The following GNAL variants were observed in gnomAD, a reference collection of about 807,000 sequenced individuals.
GNAL encodes G protein subunit alpha L.
GNAL carries 18 observed loss-of-function variants against 55.1 expected under a neutral mutation model. The observed-to-expected ratio is 0.33, with a 90% confidence interval of 0.23 to 0.48. The LOEUF (loss-of-function observed/expected upper bound fraction) is 0.48, where lower values mean the gene tolerates loss of function less well. Among genes scored for constraint, GNAL ranks in the 20% least tolerant of loss-of-function variants. The pLI is 0.99. For synonymous variants in GNAL, 253 were observed against 237.0 expected, an observed-to-expected ratio of 1.07 and a Z score of -0.62; for missense variants, 412 against 614.1, an observed-to-expected ratio of 0.67 and a Z score of 3.48.
At chr18:11,730,642 T>C (rs2032318042) in intron 1 of GNAL, among the ~76,000 whole-genome samples, 1 of 151,988 alleles carries the variant, frequency 6.6e-6, no homozygotes, top group African/African-American at 2.4e-5. Context: ...CATGCACCTG[T>C]AGTCCCAGCT....
At chr18:11,814,263 G>T (rs12373424) in intron 4 of GNAL, among the ~76,000 whole-genome samples, 9,704 of 152,266 alleles carry the variant, frequency 0.064, 453 homozygotes, top group African/African-American at 0.13. Flanking sequence ...GGTGGCTCAT[G>T]CCTGGAATCC....
chr18:11,790,651 C>CTTTTTTTTTTTTTTTTTTTTTTTTTTTTT (rs1232488173), intron 4 of GNAL, among the ~76,000 whole-genome samples: 1 of 83,348 alleles, frequency 1.2e-5, no homozygotes, highest in Non-Finnish European at 2.2e-5. Context: ...CTTTTCTTTT[C>CTTTTTTTTTTTTTTTTTTTTTTTTTTTTT]TTTTTTTTTC....
At chr18:11,777,754 C>T (rs971882521) in intron 4 of GNAL, among the ~76,000 whole-genome samples, 1 of 152,080 alleles carries the variant, frequency 6.6e-6, no homozygotes, top group Non-Finnish European at 1.5e-5. Flanking sequence ...TCAACCTACC[C>T]GGAAGAGCAG....
intron 4 of GNAL, among the ~76,000 whole-genome samples, chr18:11,766,424 A>T (rs1169317700): frequency 1.3e-5 from 2 of 152,206 alleles, no homozygotes; most frequent in Non-Finnish European, 2.9e-5. Flanking sequence ...GATGGCATAA[A>T]ATCCAAAAGA....
At chr18:11,802,559 T>C (rs73403540) in intron 4 of GNAL, among the ~76,000 whole-genome samples, 13,080 of 152,248 alleles carry the variant, frequency 0.086, 994 homozygotes, top group African/African-American at 0.2. Context: ...AGCAGAGCTC[T>C]GGGATTCTCT....
intron 4 of GNAL, among the ~76,000 whole-genome samples, chr18:11,790,851 G>A (rs1325621761): frequency 6.6e-6 from 1 of 151,878 alleles, no homozygotes; most frequent in Admixed American, 6.6e-5. Context: ...TAGAGACGGA[G>A]TTTCACCGTG....
chr18:11,808,339 G>A (rs1399938580), intron 4 of GNAL, among the ~76,000 whole-genome samples: 1 of 152,190 alleles, frequency 6.6e-6, no homozygotes, highest in Non-Finnish European at 1.5e-5. Flanking sequence ...AGGCCAGGAA[G>A]AGGTACTAAG....
intron 5 of GNAL, among the ~76,000 whole-genome samples, chr18:11,847,394 TTTTC>T (rs2035763090): frequency 1.3e-5 from 2 of 150,046 alleles, no homozygotes; most frequent in African/African-American, 4.9e-5. Context: ...ACATCTTTTA[TTTTC>T]TTTTTTTTTT....
At chr18:11,768,906 A>AT (rs1346618514) in intron 4 of GNAL, among the ~76,000 whole-genome samples, 11 of 127,796 alleles carry the variant, frequency 8.6e-5, no homozygotes, top group Admixed American at 4.3e-4. Flanking sequence ...AAAAAAAAAA[A>AT]AATATATATA....
intron 5 of GNAL, among the ~76,000 whole-genome samples, chr18:11,859,398 T>C (rs1369250320): frequency 6.6e-6 from 1 of 152,060 alleles, no homozygotes; most frequent in Non-Finnish European, 1.5e-5. Flanking sequence ...GGTCAGGAAC[T>C]CAGTGTGTCC....
chr18:11,705,634 T>C (rs1011763178), intron 1 of GNAL, among the ~76,000 whole-genome samples: 7 of 152,188 alleles, frequency 4.6e-5, no homozygotes, highest in Non-Finnish European at 1.0e-4. Flanking sequence ...TTTTGTCTTT[T>C]TGATAATGGC....
intron 4 of GNAL, among the ~76,000 whole-genome samples, chr18:11,797,603 G>A (rs897626324): frequency 2.0e-5 from 3 of 152,060 alleles, no homozygotes; most frequent in African/African-American, 7.2e-5. Flanking sequence ...AATTAGCTGG[G>A]CATGGTGGTG....
At chr18:11,851,337 C>T in intron 5 of GNAL, 1 of 820,184 alleles carries the variant, frequency 1.2e-6, no homozygotes, top group Non-Finnish European at 1.8e-6. Context: ...CGCCTTCCGT[C>T]CCGCAGGCTC....
intron 1 of GNAL, among the ~76,000 whole-genome samples, chr18:11,706,282 A>T (rs988876394): frequency 2.0e-5 from 3 of 152,090 alleles, no homozygotes; most frequent in Middle Eastern, 3.2e-3. Flanking sequence ...AGTTGTGTTT[A>T]TACTATACTA....
chr18:11,716,232 C>T (rs1295689249), intron 1 of GNAL, among the ~76,000 whole-genome samples: 3 of 152,122 alleles, frequency 2.0e-5, no homozygotes, highest in Admixed American at 6.5e-5. Context: ...AGAATGAAGC[C>T]GCGGACCCTC....
chr18:11,730,031 C>CTTTTT (rs1431492708), intron 1 of GNAL, among the ~76,000 whole-genome samples: 6 of 151,550 alleles, frequency 4.0e-5, no homozygotes, highest in Admixed American at 1.3e-4. Flanking sequence ...TTTTTCTTTT[C>CTTTTT]TTTTCTTTTC....
At chr18:11,762,234 G>T (rs2033266733) in intron 4 of GNAL, among the ~76,000 whole-genome samples, 1 of 152,236 alleles carries the variant, frequency 6.6e-6, no homozygotes, top group Non-Finnish European at 1.5e-5. Flanking sequence ...TCCCGTGAAA[G>T]GTTGACATCA....
chr18:11,701,265 C>T (rs910094033), intron 1 of GNAL, among the ~76,000 whole-genome samples: 1 of 152,088 alleles, frequency 6.6e-6, no homozygotes, highest in African/African-American at 2.4e-5. Context: ...GAGGTAGGAA[C>T]TTGATTGTTT....
At position 11,821,542 on chromosome 18, in the gene GNAL, T is replaced by G. The variant is rs553744510; in HGVS notation, c.625-3376T>G. Among the ~76,000 whole-genome samples, 7 of 152,302 alleles carry G rather than the reference T, an allele frequency of 4.6e-5. No homozygotes were observed. The South Asian group carries it at 1.4e-3, about 32-fold the overall frequency. On this transcript the variant is annotated intron_variant, in intron 4 of 11. Coordinates refer to ENST00000334049, the MANE Select transcript of GNAL (RefSeq NM_182978.4). ...TAAGAACTATTTTAAATAGGGATTATCATGTGAGTAAGGCCCTTACTGTGA... is the reference window on the plus strand; with the variant it reads ...TAAGAACTATTTTAAATAGGGATTAGCATGTGAGTAAGGCCCTTACTGTGA...
Sources: gnomAD v4.1 joint callset for allele counts (sites outside exome capture counted in the v4.1 genomes callset) on GRCh38, gnomAD v4.1.1 for gene constraint, MANE v1.5 for transcripts, NCBI Gene and HGNC (gene_info 2026-07-23, HGNC 2026-07-21) for gene names.